The following NUP160 variants were observed in gnomAD, a reference collection of about 807,000 sequenced individuals.
NUP160 encodes nuclear pore complex protein Nup160.
NUP160 carries 94 observed loss-of-function variants against 196.9 expected under a neutral mutation model. That is an observed-to-expected ratio of 0.48 (90% CI 0.40 to 0.57). The LOEUF is 0.57. Among genes scored for constraint, NUP160 ranks in the 20% least tolerant of loss-of-function variants. The pLI, the probability that NUP160 is intolerant of heterozygous loss-of-function variation, is 0.00. For missense variants in NUP160, 1,638 were observed against 1,748.3 expected, an observed-to-expected ratio of 0.94 and a Z score of 1.13; for synonymous variants, 605 against 619.7, an observed-to-expected ratio of 0.98 and a Z score of 0.35.
chr11:47,834,784 G>A lies in NUP160; in HGVS notation c.1101+867C>T, dbSNP rs569447435. ...ATGAGGCAAGAGCCTAGGGACATAA[G>A]AAGACTGTCCACATTTGGGACTGCC... On this transcript the variant is annotated intron_variant, in intron 7 of 35. Coordinates refer to ENST00000378460, the Ensembl canonical transcript of NUP160. Among the ~76,000 whole-genome samples, 17 of 152,286 alleles carry A rather than the reference G, an allele frequency of 1.1e-4. No homozygotes were observed. In the South Asian group the frequency reaches 3.1e-3, roughly 28 times the overall value.
intron 22 of NUP160, 66 bp from the exon 23 acceptor site, chr11:47,801,996 G>A: frequency 6.5e-7 from 1 of 1,531,674 alleles, no homozygotes; most frequent in Non-Finnish European, 9.0e-7. Flanking sequence ...ATGAATCAGG[G>A]GTTCACATGT....
At chr11:47,817,158 A>AT (rs973015003) in intron 11 of NUP160, among the ~76,000 whole-genome samples, 2 of 148,938 alleles carry the variant, frequency 1.3e-5, no homozygotes, top group East Asian at 2.0e-4. Flanking sequence ...TATTATTATT[A>AT]TTTTTTTTAG....
intron 10 of NUP160, among the ~76,000 whole-genome samples, chr11:47,819,003 G>A (rs1851799491): frequency 1.3e-5 from 2 of 151,908 alleles, no homozygotes; most frequent in East Asian, 1.9e-4. Flanking sequence ...TATTTATCCT[G>A]AGGGTGTCCC....
chr11:47,783,268 G>T, intron 33 of NUP160, 70 bp from the exon 34 acceptor site: 1 of 1,532,952 alleles, frequency 6.5e-7, no homozygotes, highest in South Asian at 1.3e-5. Context: ...AAAGAATGTT[G>T]AGTGGCTGAT....
chr11:47,779,176 C>A (rs745930918), exon 36 of NUP160: 1 of 1,611,110 alleles, frequency 6.2e-7, no homozygotes, highest in African/African-American at 1.3e-5. Flanking sequence ...TCCAATTTGT[C>A]AAGTATTTTC....
In NUP160 at chr11:47,798,014, A is replaced by G. The variant is rs749742603; in HGVS notation, c.3147T>C (p.Asp1049=). The G allele has an allele frequency of 8.9e-6, 14 of 1,580,962 alleles. No individual in the cohort carries two copies. In the South Asian group the frequency reaches 1.2e-4, roughly 14 times the overall value. The change falls in exon 26 of 36, where the codon GAT becomes GAC. Residue 1049 remains aspartate, a synonymous_variant. Coordinates refer to ENST00000378460, the Ensembl canonical transcript of NUP160. ...GATTCACATAGGGAAACTCTACAAG[A>G]TCCTGTAGCTGTGAGCGTTCACAAA... is the stretch of plus-strand genomic sequence containing the variant.
intron 7 of NUP160, among the ~76,000 whole-genome samples, chr11:47,829,281 C>G (rs1179081101): frequency 1.3e-5 from 2 of 152,066 alleles, no homozygotes; most frequent in Non-Finnish European, 2.9e-5. Flanking sequence ...ACAATGGTGA[C>G]TCCATAAGAT....
chr11:47,824,033 A>ATG (rs1851917497), intron 7 of NUP160, among the ~76,000 whole-genome samples: 2 of 123,580 alleles, frequency 1.6e-5, no homozygotes, highest in African/African-American at 5.8e-5. Context: ...ATATATATAT[A>ATG]TATATATATA....
chr11:47,818,056 C>A, exon 11 of NUP160: 1 of 1,599,880 alleles, frequency 6.3e-7, no homozygotes, highest in South Asian at 1.1e-5. Flanking sequence ...TTTTGCTGAC[C>A]TGTAAAGCCT....
intron 7 of NUP160, 54 bp from the exon 8 acceptor site, chr11:47,822,218 T>C: frequency 3.0e-6 from 4 of 1,311,882 alleles, no homozygotes; most frequent in Non-Finnish European, 4.3e-6. Flanking sequence ...CATGTTACTT[T>C]TCGAAGCAAG....
At chr11:47,815,232 A>G (rs1337154485) in intron 13 of NUP160, 1 of 302,468 alleles carries the variant, frequency 3.3e-6, no homozygotes, top group Non-Finnish European at 6.0e-6. Flanking sequence ...AAAGAGAAAA[A>G]AAGAAAAAGA....
At chr11:47,815,560 A>G in exon 13 of NUP160, 1 of 1,613,432 alleles carries the variant, frequency 6.2e-7, no homozygotes, top group Non-Finnish European at 8.5e-7. Context: ...GATACTGAAG[A>G]CAACAGGCAT....
At chr11:47,790,065 C>A (rs2097667048) in intron 29 of NUP160, among the ~76,000 whole-genome samples, 2 of 151,388 alleles carry the variant, frequency 1.3e-5, no homozygotes, top group South Asian at 4.2e-4. Flanking sequence ...TCTGCCTCAG[C>A]CTCCCAAGTA....
intron 5 of NUP160, 84 bp downstream of exon 5, chr11:47,837,461 A>G (rs1472851507): frequency 2.9e-6 from 3 of 1,039,764 alleles, no homozygotes; most frequent in Admixed American, 3.6e-5. Flanking sequence ...TTGCCTTGGA[A>G]TAAGACTGGA....
At chr11:47,828,306 C>T (rs1386835794) in intron 7 of NUP160, among the ~76,000 whole-genome samples, 1 of 151,764 alleles carries the variant, frequency 6.6e-6, no homozygotes, top group Non-Finnish European at 1.5e-5. Context: ...GTATTTCTAT[C>T]AACTTCCAAT....
intron 2 of NUP160, among the ~76,000 whole-genome samples, chr11:47,846,327 T>G (rs1276057755): frequency 6.6e-6 from 1 of 152,188 alleles, no homozygotes; most frequent in Non-Finnish European, 1.5e-5. Context: ...GTCACTCTTT[T>G]GAGCCTTAGA....
intron 32 of NUP160, among the ~76,000 whole-genome samples, chr11:47,785,373 C>G (rs1420053750): frequency 6.6e-6 from 1 of 152,100 alleles, no homozygotes; most frequent in Non-Finnish European, 1.5e-5. Context: ...TAAAGTGATC[C>G]TCTGACCTTG....
At chr11:47,840,219 T>G (rs1258305127) in intron 3 of NUP160, 154 bp from the exon 4 acceptor site, 2 of 834,240 alleles carry the variant, frequency 2.4e-6, no homozygotes, top group Non-Finnish European at 4.0e-6. Context: ...ACTTAAAATG[T>G]ATGCCTGATC....
At chr11:47,819,070 T>G (rs28617307) in intron 10 of NUP160, among the ~76,000 whole-genome samples, 1 of 151,742 alleles carries the variant, frequency 6.6e-6, no homozygotes, top group Non-Finnish European at 1.5e-5. Context: ...TCCCAGCACT[T>G]TGGGAGGCCG....
Sources: gnomAD v4.1 joint callset for allele counts (sites outside exome capture counted in the v4.1 genomes callset) on GRCh38, gnomAD v4.1.1 for gene constraint, MANE v1.5 for transcripts, NCBI Gene and HGNC (gene_info 2026-07-23, HGNC 2026-07-21) for gene names.